MARCHF1: variants seen among roughly 807,000 people sequenced by gnomAD.
MARCHF1 encodes membrane associated ring-CH-type finger 1, also known as E3 ubiquitin-protein ligase MARCHF1.
Under a neutral mutation model 54.2 loss-of-function variants are expected in MARCHF1, and 40 were observed. The ratio of observed to expected loss-of-function variants is 0.74; its 90% CI spans 0.57 to 0.96. The LOEUF is 0.96. MARCHF1 is among the 40% of genes least tolerant of loss of function. The probability of loss-of-function intolerance (pLI) is 0.00; values close to 1 mark genes in which losing one functional copy is unlikely to be tolerated. For synonymous variants in MARCHF1, 236 were observed against 236.3 expected (o/e 1.00, Z 0.01); for missense variants, 586 against 656.5 (o/e 0.89, Z 1.17).
At chr4:163,726,184 T>C (rs1745647671) in intron 4 of MARCHF1, among the ~76,000 whole-genome samples, 1 of 152,196 alleles carries the variant, frequency 6.6e-6, no homozygotes, top group Non-Finnish European at 1.5e-5. Context: ...CTACGGACTT[T>C]GACAAATGTA....
In MARCHF1 at chr4:164,298,774, T is replaced by A. The variant is rs865833249; in HGVS notation, c.-323+85096A>T. ...AAAGAATTGCTCTTCTGAGAGTGTC[T>A]CTAGAAAGAAGGTTATATTTTATTA... is the stretch of plus-strand genomic sequence containing the variant. On this transcript the variant is annotated intron_variant, in intron 1 of 9. Transcript: ENST00000514618. Among the ~76,000 whole-genome samples the A allele has an allele frequency of 9.9e-5, 15 of 152,210 alleles. No individual in the cohort carries two copies. In the South Asian group the frequency reaches 1.0e-3, roughly 11 times the overall value.
chr4:164,036,108 A>G lies in MARCHF1; in HGVS notation c.-247-47399T>C, dbSNP rs1579479470. 3.0e-5 allele frequency among the ~76,000 whole-genome samples: 4 copies of G among 135,050 alleles called. No individual in the cohort carries two copies. In the South Asian group the frequency reaches 8.8e-4, roughly 30 times the overall value. The allele number at this position is 135,050 out of a possible 152,430, so 88.6% of individuals were successfully genotyped here. On this transcript the variant is annotated intron_variant, in intron 2 of 9. Coordinates refer to ENST00000514618, the MANE Select transcript of MARCHF1 (RefSeq NM_001394959.1). ...ATACAGTGAGATTCTGTCTCAAAAA[A>G]AAAAAAAACAAAAAACAAAAAACAA...
intron 1 of MARCHF1, among the ~76,000 whole-genome samples, chr4:164,148,590 T>C (rs1239840783): frequency 1.3e-5 from 2 of 152,110 alleles, no homozygotes; most frequent in Non-Finnish European, 2.9e-5. Flanking sequence ...AGCCATTGAC[T>C]GAAGCTGAAG....
intron 1 of MARCHF1, among the ~76,000 whole-genome samples, chr4:164,335,917 G>A (rs1460634036): frequency 6.6e-6 from 1 of 151,794 alleles, no homozygotes; most frequent in East Asian, 1.9e-4. Context: ...TATTCTTCCA[G>A]TAATCAATCA....
At chr4:163,683,529 A>G (rs969606632) in intron 5 of MARCHF1, among the ~76,000 whole-genome samples, 4 of 152,218 alleles carry the variant, frequency 2.6e-5, no homozygotes, top group Non-Finnish European at 5.9e-5. Flanking sequence ...AAAATATTAA[A>G]GATAAGGGAC....
chr4:163,656,139 A>T (rs1743131803), intron 5 of MARCHF1, among the ~76,000 whole-genome samples: 3 of 151,206 alleles, frequency 2.0e-5, no homozygotes, highest in Non-Finnish European at 3.0e-5. Context: ...TTTGAAAAAA[A>T]TAATAAAATA....
At chr4:164,192,955 C>G (rs2111054705) in intron 1 of MARCHF1, among the ~76,000 whole-genome samples, 1 of 152,290 alleles carries the variant, frequency 6.6e-6, no homozygotes, top group South Asian at 2.1e-4. Flanking sequence ...CTGTTACCGA[C>G]TGCAGTGCCT....
chr4:164,279,992 T>C (rs1459486387), intron 1 of MARCHF1, among the ~76,000 whole-genome samples: 1 of 151,894 alleles, frequency 6.6e-6, no homozygotes, highest in Non-Finnish European at 1.5e-5. Flanking sequence ...AGAGAATTGA[T>C]TAAAATATTT....
intron 1 of MARCHF1, among the ~76,000 whole-genome samples, chr4:164,148,071 C>T (rs1729812802): frequency 6.6e-6 from 1 of 151,802 alleles, no homozygotes; most frequent in Non-Finnish European, 1.5e-5. Flanking sequence ...CTTTTCATTT[C>T]ATATTTCCAA....
At chr4:163,620,830 G>T (rs1741670437) in intron 5 of MARCHF1, among the ~76,000 whole-genome samples, 1 of 152,064 alleles carries the variant, frequency 6.6e-6, no homozygotes, top group Non-Finnish European at 1.5e-5. Flanking sequence ...CCTGTGAGTT[G>T]GGATCATTGG....
intron 5 of MARCHF1, among the ~76,000 whole-genome samples, chr4:163,653,217 G>A (rs1579160919): frequency 1.3e-5 from 2 of 151,720 alleles, no homozygotes; most frequent in African/African-American, 2.4e-5. Context: ...AAGTGGACAT[G>A]AACCAGCTAA....
chr4:164,200,775 A>C (rs13118183), intron 1 of MARCHF1, among the ~76,000 whole-genome samples: 1 of 152,184 alleles, frequency 6.6e-6, no homozygotes, highest in African/African-American at 2.4e-5. Flanking sequence ...TCAGAAAGCA[A>C]TAAGTGCTAG....
At chr4:164,244,362 G>T (rs1161933438) in intron 1 of MARCHF1, among the ~76,000 whole-genome samples, 7 of 152,052 alleles carry the variant, frequency 4.6e-5, no homozygotes, top group African/African-American at 1.7e-4. Flanking sequence ...TGACTACTGG[G>T]TACATAACGA....
At chr4:164,138,983 A>G (rs1756462010) in intron 1 of MARCHF1, among the ~76,000 whole-genome samples, 1 of 152,212 alleles carries the variant, frequency 6.6e-6, no homozygotes. Flanking sequence ...ATCTCATTCT[A>G]ACTACTCACT....
At chr4:163,966,013 T>C (rs760083640) in intron 3 of MARCHF1, among the ~76,000 whole-genome samples, 16 of 152,194 alleles carry the variant, frequency 1.1e-4, no homozygotes, top group Non-Finnish European at 2.2e-4. Flanking sequence ...AAAATTTAAG[T>C]ATTTTTGGTA....
At position 164,034,068 on chromosome 4, in the gene MARCHF1, CAGATAGATAGATAGATAGAT is replaced by C. The variant is rs199977044; in HGVS notation, c.-247-45379_-247-45360del. On this transcript the variant is annotated intron_variant, in intron 2 of 9. Coordinates refer to ENST00000514618, the MANE Select transcript of MARCHF1 (RefSeq NM_001394959.1). ...GACTGGATAAAGAAAATGTGATAGA[CAGATAGATAGATAGATAGAT>C]AGATAGATAGATAGATAGATAGATA... Among the ~76,000 whole-genome samples the C allele has an allele frequency of 9.8e-3, 1,077 of 110,156 alleles. 12 individuals carry two copies. Among genetic ancestry groups the C allele is most frequent in the East Asian group, 0.029 (123 of 4,222 alleles). The allele number at this position is 110,156 out of a possible 152,430, so 72.3% of individuals were successfully genotyped here.
intron 1 of MARCHF1, among the ~76,000 whole-genome samples, chr4:164,337,135 A>G (rs140851304): frequency 4.2e-4 from 64 of 152,262 alleles, no homozygotes; most frequent in African/African-American, 1.5e-3. Flanking sequence ...TGAATATATT[A>G]GTAGTAAGCT....
At chr4:163,626,771 C>A (rs1741885918) in intron 5 of MARCHF1, among the ~76,000 whole-genome samples, 1 of 151,984 alleles carries the variant, frequency 6.6e-6, no homozygotes, top group Admixed American at 6.6e-5. Flanking sequence ...TACTAAAATA[C>A]AAAAAATTAG....
chr4:164,273,749 T>A (rs1386371263), intron 1 of MARCHF1, among the ~76,000 whole-genome samples: 2 of 152,206 alleles, frequency 1.3e-5, no homozygotes, highest in Admixed American at 6.5e-5. Flanking sequence ...TGTGTGTGTT[T>A]CACTAGTTAG....
Sources: gnomAD v4.1 joint callset for allele counts (sites outside exome capture counted in the v4.1 genomes callset) on GRCh38, gnomAD v4.1.1 for gene constraint, MANE v1.5 for transcripts, NCBI Gene and HGNC (gene_info 2026-07-23, HGNC 2026-07-21) for gene names.